Variants in MICAL3 observed in about 807,000 individuals in gnomAD.
The protein encoded by MICAL3 is [F-actin]-monooxygenase MICAL3.
Under a neutral mutation model 207.4 loss-of-function variants are expected in MICAL3, and 62 were observed. That is an observed-to-expected ratio of 0.30 (90% CI 0.24 to 0.37). MICAL3 has a LOEUF of 0.37. Among genes scored for constraint, MICAL3 ranks in the 10% least tolerant of loss-of-function variants. The pLI is 1.00. For synonymous variants in MICAL3, 1,077 were observed against 1,069.3 expected (o/e 1.01, Z -0.14); for missense variants, 2,368 against 2,635.6 (o/e 0.90, Z 2.22).
chr22:17,803,305 C>T (rs751047632), intron 29 of MICAL3, among the ~76,000 whole-genome samples: 39 of 152,122 alleles, frequency 2.6e-4, no homozygotes, highest in African/African-American at 3.9e-4. Flanking sequence ...TTGGTGACTC[C>T]GGGCAGAAAT....
At chr22:18,008,506 T>C (rs975631537) in intron 1 of MICAL3, among the ~76,000 whole-genome samples, 3 of 152,192 alleles carry the variant, frequency 2.0e-5, no homozygotes, top group Non-Finnish European at 4.4e-5. Context: ...ATTCCTGGGC[T>C]GCATTCATAG....
At position 17,865,005 on chromosome 22, in the gene MICAL3, A is replaced by G. The variant is rs773845050; in HGVS notation, c.2518-19T>C. The G allele has an allele frequency of 6.3e-7, 1 of 1,591,456 alleles. No homozygotes were observed. Among genetic ancestry groups the G allele is most frequent in the South Asian group, 1.1e-5 (1 of 89,988 alleles). ...TGGCCTCCTAGGAAAGTTCATGAGA[A>G]AAAGAAGAGTGACTCTGACTGATGC... On this transcript the variant is annotated intron_variant, in intron 18 of 31. Transcript: ENST00000441493.
intron 16 of MICAL3, among the ~76,000 whole-genome samples, chr22:17,873,985 T>C (rs1433054468): frequency 1.3e-5 from 2 of 152,196 alleles, no homozygotes; most frequent in African/African-American, 4.8e-5. Context: ...ATCCCGGGGA[T>C]GCCAACAGCC....
intron 1 of MICAL3, among the ~76,000 whole-genome samples, chr22:17,947,748 T>C (rs978750136): frequency 6.6e-6 from 1 of 152,064 alleles, no homozygotes; most frequent in Non-Finnish European, 1.5e-5. Context: ...CTTAAATTTT[T>C]TGTAGAGATG....
chr22:17,870,688 G>C (rs1348717037), intron 17 of MICAL3, among the ~76,000 whole-genome samples: 1 of 152,206 alleles, frequency 6.6e-6, no homozygotes, highest in Non-Finnish European at 1.5e-5. Context: ...GAGCTATCCA[G>C]AGAGCAGGTG....
chr22:17,877,459 GGGAGATTAT>G (rs1249041709), intron 16 of MICAL3, among the ~76,000 whole-genome samples: 52 of 66,248 alleles, frequency 7.8e-4, no homozygotes, highest in East Asian at 1.5e-3. Context: ...ATGGAGGTTA[GGGAGATTAT>G]GGAGGTTAGG....
At chr22:17,870,999 C>G (rs981105614) in intron 17 of MICAL3, among the ~76,000 whole-genome samples, 3 of 152,322 alleles carry the variant, frequency 2.0e-5, no homozygotes, top group Admixed American at 2.0e-4. Context: ...ACGCAATCTT[C>G]TATCAATGTC....
chr22:17,858,367 C>T (rs1202332262), intron 19 of MICAL3: 1 of 604,290 alleles, frequency 1.7e-6, no homozygotes, highest in Non-Finnish European at 2.1e-6. Flanking sequence ...CTTGCTGGCA[C>T]TTGTGAGGCG....
intron 1 of MICAL3, among the ~76,000 whole-genome samples, chr22:17,931,644 A>C (rs780245088): frequency 2.4e-4 from 36 of 152,224 alleles, no homozygotes; most frequent in Admixed American, 6.5e-5. Flanking sequence ...CCTGAATGCA[A>C]GCTGAGTCTG....
At chr22:17,962,350 G>T (rs192431008) in intron 1 of MICAL3, among the ~76,000 whole-genome samples, 4 of 152,244 alleles carry the variant, frequency 2.6e-5, no homozygotes, top group Non-Finnish European at 5.9e-5. Context: ...CAGTGCCACC[G>T]GAGGCACGCA....
chr22:17,979,270 T>A (rs919198338), intron 1 of MICAL3, among the ~76,000 whole-genome samples: 1 of 148,372 alleles, frequency 6.7e-6, no homozygotes, highest in Admixed American at 6.8e-5. Context: ...ACGGCCCAGG[T>A]ACAGTGGCTC....
At chr22:17,904,540 A>G in intron 3 of MICAL3, 92 bp downstream of exon 3, 1 of 969,962 alleles carries the variant, frequency 1.0e-6, no homozygotes, top group Non-Finnish European at 1.7e-6. Context: ...TGGGTGGCAT[A>G]TGAATTCCTC....
intron 1 of MICAL3, among the ~76,000 whole-genome samples, chr22:17,930,985 C>T (rs1238020007): frequency 6.6e-6 from 1 of 152,208 alleles, no homozygotes; most frequent in African/African-American, 2.4e-5. Context: ...CCTCCCAACG[C>T]CCCCTCCTCC....
intron 19 of MICAL3, chr22:17,861,154 C>T (rs1197455700): frequency 5.1e-6 from 5 of 985,372 alleles, no homozygotes; most frequent in South Asian, 4.7e-5. Flanking sequence ...GTAAGACTTC[C>T]GAACTTCCCT....
intron 19 of MICAL3, chr22:17,862,188 T>C (rs1160348788): frequency 2.0e-5 from 20 of 984,978 alleles, no homozygotes; most frequent in South Asian, 4.7e-5. Flanking sequence ...GCGGTTACCA[T>C]GGGCCTGAGC....
At chr22:17,967,113 C>T (rs920208586) in intron 1 of MICAL3, among the ~76,000 whole-genome samples, 3 of 152,178 alleles carry the variant, frequency 2.0e-5, no homozygotes, top group South Asian at 4.1e-4. Context: ...TCAACCAACA[C>T]GTGCTGAAAG....
At position 17,867,932 on chromosome 22, in the gene MICAL3, C is replaced by G. The variant is rs73876519; in HGVS notation, c.2429-1920G>C. Among the ~76,000 whole-genome samples, 686 of 152,310 alleles carry G rather than the reference C, an allele frequency of 4.5e-3. 4 individuals are homozygous for G. Among genetic ancestry groups the G allele is most frequent in the African/African-American group, 0.016 (645 of 41,564 alleles). On this transcript the variant is annotated intron_variant, in intron 17 of 31. Coordinates refer to ENST00000441493, the MANE Select transcript of MICAL3 (RefSeq NM_015241.3). ...TTTTTGCAAAAGTGGAAACCCAGAT[C>G]TTAAAGTATAACTCAATTGAACTCA...
intron 1 of MICAL3, among the ~76,000 whole-genome samples, chr22:18,002,564 C>CCA (rs1923109290): frequency 3.3e-5 from 5 of 151,946 alleles, no homozygotes; most frequent in Non-Finnish European, 7.4e-5. Flanking sequence ...ACCCAGGAGG[C>CCA]GGAGGTTGAA....
rs200812565 is a variant in MICAL3 at position 17,817,991 on chromosome 22, C to T, written c.4670G>A (p.Arg1557His). ...GTTCTCCTTGGCCAGGGGCGGGTGG[C>T]GAGGCTTCTCGGGGCGCGGCCAGCA... is the stretch of plus-strand genomic sequence containing the variant. ...PSCWPRPEKP[R>H]HPPLAKENGR... The change falls in exon 26 of 32, where the codon CGC (arginine) becomes CAC (histidine). Residue 1557 changes from arginine to histidine, a missense_variant. This residue lies in a region of MICAL3 where 1,770 missense variants were observed against 1,863.2 expected (regional missense o/e 0.95). Coordinates refer to ENST00000441493, the MANE Select transcript of MICAL3 (RefSeq NM_015241.3). 1,918 of 1,612,084 alleles carry T rather than the reference C, an allele frequency of 1.2e-3. 3 individuals are homozygous for T. The highest frequency in any genetic ancestry group is 2.0e-3 in the Middle Eastern group (12 of 6,062).
Sources: allele counts gnomAD v4.1 joint callset (sites outside exome capture counted in the v4.1 genomes callset), GRCh38; gene constraint gnomAD v4.1.1; regional missense constraint gnomAD v4.1.1; transcripts MANE v1.5; gene names NCBI Gene and HGNC (gene_info 2026-07-23, HGNC 2026-07-21).